Variants in TBC1D2 observed in about 807,000 individuals in gnomAD.
TBC1D2 encodes the protein TBC1 domain family member 2, also known as TBC1 domain family member 2A.
TBC1D2 carries 58 observed loss-of-function variants against 91.1 expected under a neutral mutation model. The ratio of observed to expected loss-of-function variants is 0.64; its 90% CI spans 0.52 to 0.79. The LOEUF (loss-of-function observed/expected upper bound fraction) is 0.79. Ranked by LOEUF, TBC1D2 falls within the 30% of genes least tolerant of loss-of-function variation. The pLI is 0.00. For synonymous variants in TBC1D2, 482 were observed against 511.5 expected, an observed-to-expected ratio of 0.94 and a Z score of 0.78; for missense variants, 1,080 against 1,208.3, an observed-to-expected ratio of 0.89 and a Z score of 1.57.
chr9:98,223,982 G>A (rs892256421), intron 5 of TBC1D2, among the ~76,000 whole-genome samples: 15 of 152,072 alleles, frequency 9.9e-5, no homozygotes, highest in Non-Finnish European at 1.5e-4. Flanking sequence ...GTCGGATCAC[G>A]AGGTCAGGAG....
chr9:98,225,059 G>T (rs1829198356), intron 5 of TBC1D2, among the ~76,000 whole-genome samples: 2 of 152,200 alleles, frequency 1.3e-5, no homozygotes, highest in African/African-American at 4.8e-5. Flanking sequence ...GCTATACGTT[G>T]CCCCACTGAG....
In TBC1D2 at chr9:98,217,211, A is replaced by G. The variant is rs567946536; in HGVS notation, c.1374+3622T>C. 5.3e-5 allele frequency among the ~76,000 whole-genome samples: 8 copies of G among 152,356 alleles called. No individual in the cohort carries two copies. In the South Asian group the frequency reaches 1.7e-3, roughly 32 times the overall value. On this transcript the variant is annotated intron_variant, in intron 6 of 12. Transcript: ENST00000465784. The stretch of plus-strand genomic sequence containing the variant: ...CTTGGCTCAGAACTGTAGGGAGGAA[A>G]AAGAGAAACCTCAGAAAAGAGAAAA...
intron 2 of TBC1D2, among the ~76,000 whole-genome samples, chr9:98,249,032 G>T (rs985637459): frequency 6.6e-6 from 1 of 152,228 alleles, no homozygotes; most frequent in Admixed American, 6.5e-5. Context: ...ACATGGGAGC[G>T]GGCCGCTGCT....
intron 3 of TBC1D2, among the ~76,000 whole-genome samples, chr9:98,237,979 C>T (rs1400736407): frequency 6.7e-6 from 1 of 149,888 alleles, no homozygotes; most frequent in Non-Finnish European, 1.5e-5. Context: ...TCATGGCTCA[C>T]TGCAGTCTCT....
chr9:98,204,685 T>A (rs1425864028), intron 9 of TBC1D2, among the ~76,000 whole-genome samples: 4 of 152,204 alleles, frequency 2.6e-5, no homozygotes, highest in African/African-American at 9.6e-5. Flanking sequence ...GGAAGGAATT[T>A]CTCCCAAATT....
At chr9:98,217,376 T>C (rs1383844126) in intron 6 of TBC1D2, among the ~76,000 whole-genome samples, 1 of 152,254 alleles carries the variant, frequency 6.6e-6, no homozygotes, top group Admixed American at 6.5e-5. Flanking sequence ...GGCCTGGGCA[T>C]GGGAGGCCAG....
intron 3 of TBC1D2, among the ~76,000 whole-genome samples, chr9:98,242,334 T>C (rs1291821881): frequency 2.0e-5 from 3 of 149,618 alleles, no homozygotes; most frequent in East Asian, 2.0e-4. Flanking sequence ...CTAGCTGCTA[T>C]GGAAGCTGAG....
At chr9:98,247,227 T>G (rs1829782336) in intron 2 of TBC1D2, among the ~76,000 whole-genome samples, 2 of 151,472 alleles carry the variant, frequency 1.3e-5, no homozygotes, top group South Asian at 2.1e-4. Context: ...CTTGGGAGGC[T>G]GAGGCAGGAG....
chr9:98,242,327 G>C (rs1260791164), intron 3 of TBC1D2, among the ~76,000 whole-genome samples: 2 of 151,970 alleles, frequency 1.3e-5, no homozygotes, highest in South Asian at 4.1e-4. Context: ...TGTAATCCTA[G>C]CTGCTATGGA....
chr9:98,228,363 A>G lies in TBC1D2; in HGVS notation c.978+589T>C, dbSNP rs189153148. Among the ~76,000 whole-genome samples the G allele has an allele frequency of 1.3e-4, 20 of 152,326 alleles. No homozygotes were observed. The highest frequency in any genetic ancestry group is 4.8e-4 in the African/African-American group (20 of 41,570). On this transcript the variant is annotated intron_variant, in intron 5 of 12. Transcript: ENST00000465784. The surrounding 1 kb of genome is among the most constrained non-coding windows in gnomAD (Gnocchi z 4.0). ...GATGTAGGATTTTGGAGTAGTTTTA[A>G]TGTCTGTGTGTATGAGATCTGTTTT...
In TBC1D2 at chr9:98,221,059, C is replaced by A. The variant is rs768993588; in HGVS notation, c.1148G>T (p.Arg383Leu). 14 of 1,611,288 alleles carry A rather than the reference C, an allele frequency of 8.7e-6. No individual in the cohort carries two copies. The highest frequency in any genetic ancestry group is 4.4e-5 in the South Asian group (4 of 90,960). Reference protein sequence around the residue: ...GRRVEALEQERESLAHTASLR... With the variant: ...GRRVEALEQELESLAHTASLR... ...GCTCGCTGTGTGCGCCAGGCTCTCC[C>A]GCTCCTGCTCCAGGGCCTCCACCCG... The change falls in exon 6 of 13, where the codon CGG becomes CTG. Residue 383 changes from arginine to leucine, a missense_variant. Physicochemically the swap from Arg to Leu is moderately radical, Grantham distance 102. Transcript: ENST00000465784.
At chr9:98,240,351 A>G (rs975432156) in intron 3 of TBC1D2, among the ~76,000 whole-genome samples, 1 of 152,204 alleles carries the variant, frequency 6.6e-6, no homozygotes, top group Non-Finnish European at 1.5e-5. Context: ...TGTAATTACT[A>G]TGGTGTCCTG....
intron 8 of TBC1D2, among the ~76,000 whole-genome samples, chr9:98,209,741 CCT>C (rs1475855741): frequency 1.9e-4 from 26 of 137,268 alleles, no homozygotes; most frequent in Non-Finnish European, 3.4e-4. Flanking sequence ...TTCCTTCTTT[CCT>C]TTCCTTCCTT....
chr9:98,207,744 G>A (rs962452516), intron 9 of TBC1D2, among the ~76,000 whole-genome samples: 4 of 152,240 alleles, frequency 2.6e-5, no homozygotes, highest in South Asian at 2.1e-4. Flanking sequence ...AAGCAGACAC[G>A]CAGAATGAAG....
At chr9:98,205,592 G>A (rs1333253821) in intron 9 of TBC1D2, among the ~76,000 whole-genome samples, 1 of 150,952 alleles carries the variant, frequency 6.6e-6, no homozygotes, top group East Asian at 2.0e-4. Flanking sequence ...TGTTGCCCAG[G>A]CTAGAGTGCA....
In TBC1D2 at chr9:98,240,846, G is replaced by A. The variant is rs541846242; in HGVS notation, c.647+3148C>T. Among the ~76,000 whole-genome samples the A allele has an allele frequency of 4.6e-5, 7 of 152,350 alleles. No homozygotes were observed. In the South Asian group the frequency reaches 1.0e-3, roughly 23 times the overall value. On this transcript the variant is annotated intron_variant, in intron 3 of 12. Coordinates refer to ENST00000465784, the MANE Select transcript of TBC1D2 (RefSeq NM_001267571.2). ...CAGCTAAACCACTATGCTTGGAAGA[G>A]CTGTTTCCATTTCATAAATTTATCA... is the stretch of plus-strand genomic sequence containing the variant.
intron 11 of TBC1D2, 112 bp from the exon 12 acceptor site, chr9:98,200,486 G>T (rs1828463606): frequency 1.1e-6 from 1 of 904,206 alleles, no homozygotes; most frequent in Non-Finnish European, 1.6e-6. Flanking sequence ...ACTGGCTGCG[G>T]AAGTTGAGGC....
intron 5 of TBC1D2, among the ~76,000 whole-genome samples, chr9:98,227,373 T>G (rs962641897): frequency 1.3e-5 from 2 of 152,200 alleles, no homozygotes; most frequent in African/African-American, 4.8e-5. Context: ...TAATAAAAAT[T>G]TGGTGAATAA....
At chr9:98,247,461 G>A (rs1238496051) in intron 2 of TBC1D2, among the ~76,000 whole-genome samples, 1 of 152,090 alleles carries the variant, frequency 6.6e-6, no homozygotes, top group Non-Finnish European at 1.5e-5. Flanking sequence ...GGGCACGATG[G>A]CTCACGCCTG....
Sources: allele counts gnomAD v4.1 joint callset (sites outside exome capture counted in the v4.1 genomes callset), GRCh38; gene constraint gnomAD v4.1.1; non-coding constraint Gnocchi (gnomAD v3.1); transcripts MANE v1.5; gene names NCBI Gene and HGNC (gene_info 2026-07-23, HGNC 2026-07-21).